Variants in OOEP observed in about 807,000 individuals in gnomAD.
OOEP encodes the protein oocyte expressed protein.
In OOEP, 16 loss-of-function variants were observed where a neutral mutation model predicts 13.7. The ratio of observed to expected loss-of-function variants is 1.16; its 90% CI spans 0.79 to 1.77. The LOEUF is 1.77. Ranked by LOEUF, OOEP falls within the 40% of genes most tolerant of loss-of-function variation. OOEP has a pLI of 0.00. For synonymous variants in OOEP, 89 were observed against 77.1 expected, an observed-to-expected ratio of 1.15 and a Z score of -0.81; for missense variants, 195 against 193.1, an observed-to-expected ratio of 1.01 and a Z score of -0.06.
At chr6:73,390,125 G>A (rs1278562419) in intron 2 of OOEP, among the ~76,000 whole-genome samples, 2 of 151,960 alleles carry the variant, frequency 1.3e-5, no homozygotes, top group Admixed American at 6.6e-5. Context: ...GTTGTGCTGA[G>A]CCCAGATCCC....
Position 73,369,366 on chromosome 6 carries a change from A to C in OOEP, c.210T>G (p.Ile70Met), listed in dbSNP as rs1769007409. ...DELFGPDRAI[I>M]PEMEWTSQAL... The stretch of plus-strand genomic sequence containing the variant: ...CCTGGCTCGTCCACTCCATTTCTGG[A>C]ATTATGGCTCGGTCTGGGCCTAAAC... The change falls in exon 2 of 3, where the codon ATT (isoleucine) becomes ATG (methionine). Residue 70 changes from isoleucine to methionine, a missense_variant. Coordinates refer to ENST00000370359, the MANE Select transcript of OOEP (RefSeq NM_001080507.3). 3 of 1,613,072 alleles carry C rather than the reference A, an allele frequency of 1.9e-6. No individual in the cohort carries two copies. The highest frequency in any genetic ancestry group is 1.7e-6 in the Non-Finnish European group (2 of 1,179,528).
intron 2 of OOEP, among the ~76,000 whole-genome samples, chr6:73,390,107 AG>A (rs1769326977): frequency 6.6e-6 from 1 of 152,134 alleles, no homozygotes; most frequent in Non-Finnish European, 1.5e-5. Flanking sequence ...TGAATCCGGG[AG>A]GCAGAGGTTG....
intron 2 of OOEP, chr6:73,394,237 G>A (rs1769403418): frequency 6.1e-6 from 4 of 651,322 alleles, no homozygotes; most frequent in East Asian, 5.6e-5. Flanking sequence ...TAAAATAAGC[G>A]TAAATGTATC....
intron 2 of OOEP, among the ~76,000 whole-genome samples, chr6:73,384,524 A>G (rs1020004279): frequency 1.3e-5 from 2 of 152,150 alleles, no homozygotes; most frequent in African/African-American, 4.8e-5. Context: ...TAAAGATGCA[A>G]AAATCTTAAA....
upstream of OOEP, among the ~76,000 whole-genome samples, chr6:73,371,774 A>T (rs472050): frequency 6.7e-6 from 1 of 149,696 alleles, no homozygotes; most frequent in African/African-American, 2.5e-5. Context: ...AATAAAAATA[A>T]AAAAATTTGG....
chr6:73,386,290 C>A (rs1361101911), intron 2 of OOEP, among the ~76,000 whole-genome samples: 1 of 151,742 alleles, frequency 6.6e-6, no homozygotes, highest in Non-Finnish European at 1.5e-5. Flanking sequence ...GACGGGGTTT[C>A]TCCATGTTGA....
chr6:73,394,196 T>A (rs1433974660), intron 2 of OOEP: 3 of 570,684 alleles, frequency 5.3e-6, no homozygotes, highest in East Asian at 3.0e-5. Context: ...TTTTTTTTTT[T>A]AATTTTGTGG....
intron 2 of OOEP, among the ~76,000 whole-genome samples, chr6:73,378,917 A>G (rs1163177017): frequency 6.6e-6 from 1 of 152,130 alleles, no homozygotes; most frequent in Non-Finnish European, 1.5e-5. Flanking sequence ...TTTGTTTTGT[A>G]AGGTATAGAT....
intron 2 of OOEP, among the ~76,000 whole-genome samples, chr6:73,381,743 G>GT (rs1157836799): frequency 1.6e-4 from 25 of 152,258 alleles, no homozygotes; most frequent in African/African-American, 5.5e-4. Flanking sequence ...CACTTTGGAA[G>GT]GCTGAGGTGG....
chr6:73,377,988 G>A (rs184323625), intron 2 of OOEP, among the ~76,000 whole-genome samples: 1 of 152,184 alleles, frequency 6.6e-6, no homozygotes, highest in African/African-American at 2.4e-5. Context: ...ACCTATAGCT[G>A]TACCAGGCAG....
chr6:73,374,987 C>T (rs62440588), intron 2 of OOEP, among the ~76,000 whole-genome samples: 20,574 of 152,030 alleles, frequency 0.14, 1,722 homozygotes, highest in Non-Finnish European at 0.19. Flanking sequence ...CATCCATTCC[C>T]GGCTAATTTT....
rs1167104226 is a variant in OOEP at position 73,369,331 on chromosome 6, G to A, written c.245C>T (p.Thr82Ile). The change falls in exon 2 of 3, where the codon ACA (threonine) becomes ATA (isoleucine). Residue 82 changes from threonine (T) to isoleucine (I), a missense_variant. Thr to Ile is a moderately conservative substitution (Grantham distance 89). Coordinates refer to ENST00000370359, the MANE Select transcript of OOEP (RefSeq NM_001080507.3). ...GTTCCCTGAGTCCACTATGTCCACT[G>A]TCAGCAGGGCCTGGCTCGTCCACTC... ...EMEWTSQALL[T>I]VDIVDSGNLV... 1 of 1,613,870 alleles carries A rather than the reference G, an allele frequency of 6.2e-7. No homozygotes were observed. Among genetic ancestry groups the A allele is most frequent in the East Asian group, 2.2e-5 (1 of 44,886 alleles).
rs117807738 is a variant in OOEP at position 73,381,837 on chromosome 6, G to A, written c.26-12452C>T. On this transcript the variant is annotated intron_variant, in intron 2 of 3. Transcript: ENST00000370363. ...TCTACTAAAAAGGCAAAAATTAGCC[G>A]GGAGTGGTGGCACCGTGCCTGTAAA... 1.2e-3 allele frequency among the ~76,000 whole-genome samples: 187 copies of A among 152,166 alleles called. 8 individuals are homozygous for A. In the East Asian group the frequency reaches 0.031, roughly 26 times the overall value.
At chr6:73,376,658 G>A (rs1453834173) in intron 2 of OOEP, among the ~76,000 whole-genome samples, 1 of 150,602 alleles carries the variant, frequency 6.6e-6, no homozygotes, top group Non-Finnish European at 1.5e-5. Context: ...GTTTTTGTTT[G>A]TTTGTTTGTT....
At chr6:73,391,694 T>A (rs111381272) in intron 2 of OOEP, 553 of 154,128 alleles carry the variant, frequency 3.6e-3, no homozygotes, top group Non-Finnish European at 6.3e-3. Flanking sequence ...AGAAAAAGTA[T>A]GACATTTGCA....
exon 1 of OOEP, chr6:73,394,770 G>T: frequency 7.8e-7 from 1 of 1,287,338 alleles, no homozygotes; most frequent in Non-Finnish European, 1.1e-6. Flanking sequence ...AGAGAGCGTG[G>T]GCGGGGGGGC....
chr6:73,390,872 G>GA (rs1266258853), intron 2 of OOEP, among the ~76,000 whole-genome samples: 2 of 151,038 alleles, frequency 1.3e-5, no homozygotes, highest in Non-Finnish European at 2.9e-5. Flanking sequence ...AAAGTGCTGG[G>GA]ATTACAGGCG....
At chr6:73,386,400 A>T (rs1016096516) in intron 2 of OOEP, among the ~76,000 whole-genome samples, 2 of 151,528 alleles carry the variant, frequency 1.3e-5, no homozygotes, top group South Asian at 4.2e-4. Flanking sequence ...GGCCAACAAC[A>T]TGCTTTTCTA....
intron 2 of OOEP, among the ~76,000 whole-genome samples, chr6:73,385,041 C>G (rs2150782416): frequency 6.7e-6 from 1 of 149,380 alleles, no homozygotes; most frequent in African/African-American, 2.4e-5. Context: ...CAGCCTCAAA[C>G]CTGTCTTAAA....
Sources: allele counts gnomAD v4.1 joint callset (sites outside exome capture counted in the v4.1 genomes callset), GRCh38; gene constraint gnomAD v4.1.1; transcripts MANE v1.5; gene names NCBI Gene and HGNC (gene_info 2026-07-23, HGNC 2026-07-21).